The following SPAG17 variants were observed in gnomAD, a reference collection of about 807,000 sequenced individuals.
SPAG17 encodes sperm-associated antigen 17.
In SPAG17, 169 loss-of-function variants were observed where a neutral mutation model predicts 273.6. The observed-to-expected ratio is 0.62, with a 90% CI of 0.55 to 0.70. The LOEUF is 0.70. SPAG17 is among the 30% of genes least tolerant of loss of function. SPAG17 has a pLI of 0.00. For missense variants in SPAG17, 2,557 were observed against 2,627.8 expected, an observed-to-expected ratio of 0.97 and a Z score of 0.59; for synonymous variants, 825 against 873.2, an observed-to-expected ratio of 0.94 and a Z score of 0.97.
intron 48 of SPAG17, among the ~76,000 whole-genome samples, chr1:117,957,518 G>A (rs1223608138): frequency 6.6e-6 from 1 of 152,182 alleles, no homozygotes; most frequent in Non-Finnish European, 1.5e-5. Context: ...GATAGCTCTG[G>A]TTCTAGTCAG....
chr1:118,093,405 C>T, intron 7 of SPAG17, 88 bp from the exon 8 acceptor site: 2 of 1,319,012 alleles, frequency 1.5e-6, no homozygotes, highest in Non-Finnish European at 1.0e-6. Context: ...ACAGTTATGC[C>T]CATCAACTTT....
intron 3 of SPAG17, among the ~76,000 whole-genome samples, chr1:118,145,779 TAGTTCA>T (rs1289700155): frequency 6.6e-6 from 1 of 152,148 alleles, no homozygotes; most frequent in African/African-American, 2.4e-5. Flanking sequence ...ATGTTTAGGA[TAGTTCA>T]AGTTCTTTAT....
At chr1:118,129,257 G>A (rs1326109874) in intron 3 of SPAG17, among the ~76,000 whole-genome samples, 1 of 152,220 alleles carries the variant, frequency 6.6e-6, no homozygotes, top group Non-Finnish European at 1.5e-5. Context: ...TAACTTAGAA[G>A]ATGAACAAAT....
intron 1 of SPAG17, among the ~76,000 whole-genome samples, 191 bp downstream of exon 1, chr1:118,184,880 C>G (rs1220315288): frequency 6.6e-6 from 1 of 152,190 alleles, no homozygotes; most frequent in African/African-American, 2.4e-5. Flanking sequence ...CACTGACTCA[C>G]CTGGTGGGTG....
chr1:118,174,538 G>C (rs950399899), intron 1 of SPAG17, among the ~76,000 whole-genome samples: 1 of 152,216 alleles, frequency 6.6e-6, no homozygotes, highest in Non-Finnish European at 1.5e-5. Context: ...AGATAAGAGA[G>C]AGTGAAAGAG....
intron 34 of SPAG17, among the ~76,000 whole-genome samples, chr1:117,995,230 CTA>C (rs1485427456): frequency 6.6e-6 from 1 of 152,096 alleles, no homozygotes. Flanking sequence ...GCCTTCTTGA[CTA>C]TGTCAGTTTC....
intron 3 of SPAG17, among the ~76,000 whole-genome samples, chr1:118,145,920 GATGACCTAA>G (rs1459232778): frequency 6.6e-6 from 1 of 151,934 alleles, no homozygotes; most frequent in African/African-American, 2.4e-5. Flanking sequence ...TTCATTTTGT[GATGACCTAA>G]TGCGTCTTTT....
At chr1:118,037,016 T>C (rs1649163781) in intron 23 of SPAG17, 133 bp from the exon 24 acceptor site, 1 of 642,578 alleles carries the variant, frequency 1.6e-6, no homozygotes, top group Non-Finnish European at 2.7e-6. Context: ...TTGGTTTAGC[T>C]TGACCATGCA....
intron 3 of SPAG17, among the ~76,000 whole-genome samples, chr1:118,135,376 TG>T (rs1658285579): frequency 1.6e-5 from 1 of 61,996 alleles, no homozygotes; most frequent in Non-Finnish European, 3.9e-5. Flanking sequence ...AAGCAATGTG[TG>T]TGTGTGTGTG....
intron 48 of SPAG17, chr1:117,954,606 A>C (rs1557826160): frequency 6.2e-7 from 1 of 1,612,606 alleles, no homozygotes; most frequent in East Asian, 2.2e-5. Flanking sequence ...ACCCCATCCT[A>C]ATGGCTTATG....
chr1:117,969,904 G>A (rs767167458), intron 46 of SPAG17, 152 bp downstream of exon 46: 4 of 678,228 alleles, frequency 5.9e-6, no homozygotes, highest in Non-Finnish European at 7.4e-6. Flanking sequence ...ATCACTACGA[G>A]AAATCTTTTG....
intron 3 of SPAG17, among the ~76,000 whole-genome samples, chr1:118,134,692 G>A (rs557635713): frequency 6.6e-6 from 1 of 152,182 alleles, no homozygotes; most frequent in East Asian, 1.9e-4. Context: ...GCATACTAGG[G>A]CCCTTTATGA....
Position 118,081,189 on chromosome 1 carries a change from CA to C in SPAG17, c.2120del (p.Leu707Ter), listed in dbSNP as rs772569724. ...CAGGGACTGAGAGTTTGAGATTATT[CA>C]AGTCAGAATGCTTCATATTGTTAGC... ...CDANNMKHSD[L>X]NNLKLSVPDN... On this transcript the variant is annotated frameshift_variant, in exon 15 of 49. Transcript: ENST00000336338. LOFTEE classifies it high-confidence loss of function. 3.7e-6 allele frequency: 6 copies of C among 1,613,922 alleles called. No individual in the cohort carries two copies. The South Asian group carries it at 6.6e-5, about 18-fold the overall frequency.
At chr1:118,006,819 G>C (rs1017500469) in intron 31 of SPAG17, among the ~76,000 whole-genome samples, 4 of 152,204 alleles carry the variant, frequency 2.6e-5, no homozygotes, top group African/African-American at 9.7e-5. Flanking sequence ...TGGGTGTGAA[G>C]TGATATCTCA....
intron 1 of SPAG17, among the ~76,000 whole-genome samples, chr1:118,151,927 T>G (rs922039938): frequency 3.9e-5 from 6 of 152,214 alleles, no homozygotes; most frequent in African/African-American, 1.4e-4. Context: ...ATATTACACT[T>G]GGACATGAAA....
chr1:118,174,433 CAAAAAGA>C (rs929289638), intron 1 of SPAG17, among the ~76,000 whole-genome samples: 1 of 151,242 alleles, frequency 6.6e-6, no homozygotes, highest in African/African-American at 2.4e-5. Flanking sequence ...GTCTGATAAG[CAAAAAGA>C]AAAAAGTATG....
chr1:118,093,546 T>C (rs1263457768), intron 7 of SPAG17, among the ~76,000 whole-genome samples: 1 of 152,224 alleles, frequency 6.6e-6, no homozygotes, highest in Non-Finnish European at 1.5e-5. Flanking sequence ...GAGGGCCGTA[T>C]GGCTGCCTAA....
At chr1:117,960,329 T>G (rs1179382489) in intron 48 of SPAG17, 1 of 152,158 alleles carries the variant, frequency 6.6e-6, no homozygotes, top group Non-Finnish European at 1.5e-5. Context: ...GTATTATATA[T>G]ATTGTATACT....
At chr1:118,060,713 G>A (rs1652191643) in intron 18 of SPAG17, among the ~76,000 whole-genome samples, 1 of 152,068 alleles carries the variant, frequency 6.6e-6, no homozygotes, top group South Asian at 2.1e-4. Flanking sequence ...GGCAGGTCTG[G>A]TGGTGATGAA....
Sources: gnomAD v4.1 joint callset for allele counts (sites outside exome capture counted in the v4.1 genomes callset) on GRCh38, gnomAD v4.1.1 for gene constraint, MANE v1.5 for transcripts, NCBI Gene and HGNC (gene_info 2026-07-23, HGNC 2026-07-21) for gene names.